GMDS: variants seen among roughly 807,000 people sequenced by gnomAD.
GMDS encodes the protein GDP-mannose 4,6-dehydratase.
Under a neutral mutation model 49.9 loss-of-function variants are expected in GMDS, and 20 were observed. The observed-to-expected ratio is 0.40, with a 90% CI of 0.28 to 0.58. GMDS has a LOEUF of 0.58. GMDS is among the 20% of genes least tolerant of loss of function. The pLI is 0.42. For missense variants in GMDS, 362 were observed against 481.4 expected (o/e 0.75, Z 2.32); for synonymous variants, 177 against 178.6 (o/e 0.99, Z 0.07).
chr6:2,137,238 A>C (rs1442151984), intron 1 of GMDS, among the ~76,000 whole-genome samples: 1 of 152,190 alleles, frequency 6.6e-6, no homozygotes, highest in Non-Finnish European at 1.5e-5. Flanking sequence ...TAGCTAGTTG[A>C]CAAATTACCT....
At chr6:2,050,690 C>T (rs192099797) in intron 4 of GMDS, among the ~76,000 whole-genome samples, 15 of 152,248 alleles carry the variant, frequency 9.9e-5, no homozygotes, top group Non-Finnish European at 1.8e-4. Flanking sequence ...ACAATCAAGT[C>T]GGCTTCATCC....
rs192618819 is a variant in GMDS at position 2,142,117 on chromosome 6, G to T, written c.103-17386C>A. ...CCTTACTATTTAAGTTTTACTGCAC[G>T]TTTACTACAAGCCAGTTTCAATTTT... On this transcript the variant is annotated intron_variant, in intron 1 of 10. Coordinates refer to ENST00000380815, the MANE Select transcript of GMDS (RefSeq NM_001500.4). Among the ~76,000 whole-genome samples the T allele has an allele frequency of 1.1e-3, 161 of 152,246 alleles. 1 individual carries two copies. The highest frequency in any genetic ancestry group is 3.6e-3 in the African/African-American group (151 of 41,544).
chr6:2,210,058 T>C (rs577952879), intron 1 of GMDS, among the ~76,000 whole-genome samples: 9 of 152,356 alleles, frequency 5.9e-5, no homozygotes, highest in East Asian at 1.9e-4. Context: ...CAAAGCTTCA[T>C]ATAAATAAAT....
intron 7 of GMDS, among the ~76,000 whole-genome samples, chr6:1,927,032 T>C (rs1006077354): frequency 1.1e-4 from 12 of 105,638 alleles, no homozygotes; most frequent in Admixed American, 4.9e-4. Context: ...GATGTATTTT[T>C]ATTCAGAGGG....
At chr6:2,059,871 A>G (rs966697606) in intron 4 of GMDS, among the ~76,000 whole-genome samples, 5 of 151,792 alleles carry the variant, frequency 3.3e-5, no homozygotes, top group African/African-American at 1.2e-4. Flanking sequence ...GCATAGTAAT[A>G]AATATAGTCT....
At position 1,953,178 on chromosome 6, in the gene GMDS, C is replaced by T. The variant is rs952970418; in HGVS notation, c.643+6689G>A. ...GCCGGCAGCACAGAACAACTTTCTCCGTCACACCCCTGGGTCAGGGCTTTC... is the reference window on the plus strand; with the variant it reads ...GCCGGCAGCACAGAACAACTTTCTCTGTCACACCCCTGGGTCAGGGCTTTC... On this transcript the variant is annotated intron_variant, in intron 6 of 10. Coordinates refer to ENST00000380815, the MANE Select transcript of GMDS (RefSeq NM_001500.4). Among the ~76,000 whole-genome samples, 24 of 152,318 alleles carry T rather than the reference C, an allele frequency of 1.6e-4. No homozygotes were observed. The Middle Eastern group carries it at 0.01, about 65-fold the overall frequency.
chr6:1,799,185 G>T (rs1581194852), intron 7 of GMDS, among the ~76,000 whole-genome samples: 1 of 152,298 alleles, frequency 6.6e-6, no homozygotes, highest in South Asian at 2.1e-4. Flanking sequence ...AGGGTGGAGG[G>T]TGCGGGTGGT....
intron 1 of GMDS, among the ~76,000 whole-genome samples, chr6:2,173,524 A>C (rs748863399): frequency 6.6e-6 from 1 of 152,238 alleles, no homozygotes; most frequent in Non-Finnish European, 1.5e-5. Context: ...CTGGGGGCAC[A>C]GAAGACAGTT....
At chr6:2,020,377 T>C (rs964305172) in intron 4 of GMDS, among the ~76,000 whole-genome samples, 4 of 151,950 alleles carry the variant, frequency 2.6e-5, no homozygotes, top group Non-Finnish European at 2.9e-5. Flanking sequence ...AGAGATCACA[T>C]AGAGAATCCT....
chr6:1,786,644 C>T (rs1769332502), intron 7 of GMDS, among the ~76,000 whole-genome samples: 1 of 152,118 alleles, frequency 6.6e-6, no homozygotes, highest in South Asian at 2.1e-4. Context: ...CAACAGAGGC[C>T]TGAAAAAGTC....
intron 4 of GMDS, among the ~76,000 whole-genome samples, chr6:1,978,672 C>T (rs554826975): frequency 1.3e-5 from 2 of 152,296 alleles, no homozygotes; most frequent in Admixed American, 6.5e-5. Context: ...GTTTGGGCTG[C>T]CTGTGGGCCA....
At chr6:1,702,051 T>C (rs1765561034) in intron 9 of GMDS, among the ~76,000 whole-genome samples, 1 of 152,214 alleles carries the variant, frequency 6.6e-6, no homozygotes, top group Non-Finnish European at 1.5e-5. Context: ...TCTTGGGTAT[T>C]ATCGAACTAG....
At chr6:1,926,594 T>C (rs1254119021) in intron 7 of GMDS, among the ~76,000 whole-genome samples, 2 of 152,250 alleles carry the variant, frequency 1.3e-5, no homozygotes, top group East Asian at 3.8e-4. Context: ...TGCATGTGTG[T>C]TTTAAACAAA....
At chr6:1,723,053 A>G (rs573452256) in intron 9 of GMDS, among the ~76,000 whole-genome samples, 1 of 152,282 alleles carries the variant, frequency 6.6e-6, no homozygotes, top group South Asian at 2.1e-4. Context: ...AAAACTTCAC[A>G]CTGGTACAGA....
intron 9 of GMDS, chr6:1,717,372 T>C (rs6901836): frequency 0.72 from 110,244 of 152,286 alleles, 40,952 homozygotes; most frequent in East Asian, 1. Flanking sequence ...TGGGGGGTGG[T>C]TGGCAGATAA....
At chr6:2,102,210 A>T (rs972302938) in intron 4 of GMDS, among the ~76,000 whole-genome samples, 1 of 152,144 alleles carries the variant, frequency 6.6e-6, no homozygotes, top group African/African-American at 2.4e-5. Flanking sequence ...CTGTTTTTAG[A>T]CTTTAAAAAG....
At chr6:1,773,139 T>C (rs1266666162) in intron 7 of GMDS, among the ~76,000 whole-genome samples, 1 of 151,192 alleles carries the variant, frequency 6.6e-6, no homozygotes, top group African/African-American at 2.4e-5. Context: ...AAACAGAGCA[T>C]GGCCTTTACA....
rs67198377 is a variant in GMDS, at chr6:2,162,659, AACACACACACACACACACACACACAC to A, written c.103-37954_103-37929del. On this transcript the variant is annotated intron_variant, in intron 1 of 10. Transcript: ENST00000380815. Reference sequence around the variant, plus strand: ...AAATATCAGGTTTTCATAACATTCCAACACACACACACACACACACACACACACACACACACACACACACACACACA... The same window carrying A: ...AAATATCAGGTTTTCATAACATTCCAACACACACACACACACACACACACA... Among the ~76,000 whole-genome samples the A allele has an allele frequency of 6.5e-3, 878 of 135,832 alleles. 2 individuals carry two copies. The highest frequency in any genetic ancestry group is 0.019 in the Middle Eastern group (5 of 258). The allele number at this position is 135,832 out of a possible 152,430, so 89.1% of individuals were successfully genotyped here.
At chr6:2,121,319 C>T (rs1220287669) in intron 2 of GMDS, among the ~76,000 whole-genome samples, 1 of 152,184 alleles carries the variant, frequency 6.6e-6, no homozygotes, top group Non-Finnish European at 1.5e-5. Context: ...CCCAAGAATT[C>T]TTAGGTTTCC....
Sources: gnomAD v4.1 joint callset for allele counts (sites outside exome capture counted in the v4.1 genomes callset) on GRCh38, gnomAD v4.1.1 for gene constraint, MANE v1.5 for transcripts, NCBI Gene and HGNC (gene_info 2026-07-23, HGNC 2026-07-21) for gene names.